PRICKLE2: variants seen among roughly 807,000 people sequenced by gnomAD.
PRICKLE2 encodes prickle-like protein 2.
PRICKLE2 carries 21 observed loss-of-function variants against 81.4 expected under a neutral mutation model. The observed-to-expected ratio is 0.26, with a 90% CI of 0.18 to 0.37. PRICKLE2 has a LOEUF of 0.37. Among genes scored for constraint, PRICKLE2 ranks in the 10% least tolerant of loss-of-function variants. The pLI is 1.00. For synonymous variants in PRICKLE2, 456 were observed against 421.5 expected, an observed-to-expected ratio of 1.08 and a Z score of -1.00; for missense variants, 940 against 1,109.0, an observed-to-expected ratio of 0.85 and a Z score of 2.16.
intron 2 of PRICKLE2, among the ~76,000 whole-genome samples, chr3:64,239,952 CAA>C (rs57932723): frequency 0.015 from 468 of 32,206 alleles, 2 homozygotes; most frequent in African/African-American, 0.052. Flanking sequence ...CCATCGCTAC[CAA>C]AAAAAAAAAA....
intron 5 of PRICKLE2, chr3:64,155,150 A>C (rs1474849978): frequency 7.0e-6 from 1 of 142,156 alleles, no homozygotes; most frequent in Non-Finnish European, 1.5e-5. Context: ...CTCTGTCTTA[A>C]AAAAAAAAAA....
chr3:64,175,420 A>G (rs778114593), intron 2 of PRICKLE2, among the ~76,000 whole-genome samples: 17 of 152,168 alleles, frequency 1.1e-4, no homozygotes, highest in Non-Finnish European at 2.1e-4. Flanking sequence ...TACTTCTTAG[A>G]TCGTGTCTTC....
intron 7 of PRICKLE2, among the ~76,000 whole-genome samples, chr3:64,142,513 G>A (rs2887159): frequency 0.13 from 19,028 of 151,938 alleles, 1,362 homozygotes; most frequent in East Asian, 0.28. Context: ...GTTTTGCCAC[G>A]TTGGCAAGGC....
chr3:64,263,117 T>C (rs1215742775), intron 2 of PRICKLE2, among the ~76,000 whole-genome samples: 1 of 152,194 alleles, frequency 6.6e-6, no homozygotes, highest in Non-Finnish European at 1.5e-5. Flanking sequence ...CACGCACACA[T>C]GGCGCCTTTT....
At chr3:64,110,305 A>G (rs2076822722) in intron 7 of PRICKLE2, among the ~76,000 whole-genome samples, 1 of 152,174 alleles carries the variant, frequency 6.6e-6, no homozygotes, top group Non-Finnish European at 1.5e-5. Context: ...GGAGGACAAA[A>G]GCTAAATGGC....
intron 7 of PRICKLE2, among the ~76,000 whole-genome samples, chr3:64,121,838 A>G (rs1189747598): frequency 6.6e-6 from 1 of 152,316 alleles, no homozygotes; most frequent in African/African-American, 2.4e-5. Context: ...AGGGTAGCAG[A>G]AAAGAATGAC....
intron 7 of PRICKLE2, among the ~76,000 whole-genome samples, chr3:64,142,844 T>C (rs940707890): frequency 1.3e-5 from 2 of 152,198 alleles, no homozygotes; most frequent in East Asian, 3.8e-4. Flanking sequence ...ACAAAGGAAG[T>C]ACTACAGGAA....
intron 4 of PRICKLE2, 122 bp from the exon 5 acceptor site, chr3:64,157,487 A>AG: frequency 9.9e-7 from 1 of 1,007,862 alleles, no homozygotes; most frequent in Non-Finnish European, 1.5e-6. Context: ...AGCAGTCACT[A>AG]TGCTTCCTGC....
At chr3:64,236,916 T>C (rs1274429432) in intron 2 of PRICKLE2, among the ~76,000 whole-genome samples, 7 of 152,222 alleles carry the variant, frequency 4.6e-5, no homozygotes, top group Non-Finnish European at 1.0e-4. Context: ...AGAGTAATCA[T>C]AGATCTTCCC....
At chr3:64,160,671 C>A (rs777320890) in intron 3 of PRICKLE2, among the ~76,000 whole-genome samples, 8 of 152,186 alleles carry the variant, frequency 5.3e-5, no homozygotes, top group Non-Finnish European at 1.0e-4. Context: ...GAGAGAGGAA[C>A]AAGCTGCCTG....
chr3:64,157,052 A>C (rs1336508143), intron 5 of PRICKLE2, 110 bp downstream of exon 5: 1 of 1,019,460 alleles, frequency 9.8e-7, no homozygotes, highest in African/African-American at 1.6e-5. Flanking sequence ...AATGCAAGAA[A>C]ATGAAGTTGC....
chr3:64,237,463 A>G (rs1470412377), intron 2 of PRICKLE2, among the ~76,000 whole-genome samples: 1 of 152,130 alleles, frequency 6.6e-6, no homozygotes, highest in Non-Finnish European at 1.5e-5. Flanking sequence ...CCGAGGTCCC[A>G]CTGCCAAGCC....
intron 2 of PRICKLE2, among the ~76,000 whole-genome samples, chr3:64,244,006 T>G (rs59199127): frequency 0.026 from 3,945 of 152,290 alleles, 149 homozygotes; most frequent in African/African-American, 0.089. Context: ...AATTATGGAA[T>G]AGGAAAAGTT....
chr3:64,122,841 C>A (rs147888204), intron 7 of PRICKLE2, among the ~76,000 whole-genome samples: 12 of 152,262 alleles, frequency 7.9e-5, no homozygotes, highest in African/African-American at 2.9e-4. Context: ...GACCCAGCTC[C>A]CCCTGGAAAC....
chr3:64,246,357 G>C (rs2079353344), intron 2 of PRICKLE2, among the ~76,000 whole-genome samples: 1 of 152,188 alleles, frequency 6.6e-6, no homozygotes, highest in African/African-American at 2.4e-5. Flanking sequence ...ATTAAAAACA[G>C]AGCCCTGAAG....
intron 7 of PRICKLE2, among the ~76,000 whole-genome samples, chr3:64,129,301 C>T (rs917921767): frequency 2.6e-5 from 4 of 152,140 alleles, no homozygotes; most frequent in Non-Finnish European, 5.9e-5. Flanking sequence ...ACGGAGATGA[C>T]ATCAGATGAC....
intron 2 of PRICKLE2, among the ~76,000 whole-genome samples, chr3:64,192,673 T>C (rs1041035717): frequency 2.0e-5 from 3 of 152,206 alleles, no homozygotes; most frequent in Non-Finnish European, 4.4e-5. Context: ...TTACCACTTA[T>C]GAGACAATGC....
chr3:64,267,062 CCTACCCACAAT>C (rs2079721531), intron 2 of PRICKLE2, among the ~76,000 whole-genome samples: 1 of 152,086 alleles, frequency 6.6e-6, no homozygotes, highest in African/African-American at 2.4e-5. Flanking sequence ...TTACCCAGCA[CCTACCCACAAT>C]CTTTCCTGAT....
chr3:64,233,881 T>A (rs1383432923), intron 2 of PRICKLE2, among the ~76,000 whole-genome samples: 1 of 152,192 alleles, frequency 6.6e-6, no homozygotes, highest in East Asian at 1.9e-4. Flanking sequence ...CTACTTTCTG[T>A]CTCTATAGAG....
Sources: gnomAD v4.1 joint callset for allele counts (sites outside exome capture counted in the v4.1 genomes callset) on GRCh38, gnomAD v4.1.1 for gene constraint, MANE v1.5 for transcripts, NCBI Gene and HGNC (gene_info 2026-07-23, HGNC 2026-07-21) for gene names.